Variants in ACTR3C observed in about 807,000 individuals in gnomAD.
ACTR3C encodes actin-related protein 3C.
ACTR3C carries 18 observed loss-of-function variants against 26.3 expected under a neutral mutation model. The observed-to-expected ratio is 0.68, with a 90% CI of 0.47 to 1.01. The LOEUF is 1.01. Ranked by LOEUF, ACTR3C falls within the 50% of genes least tolerant of loss-of-function variation. The pLI, the probability that ACTR3C is intolerant of heterozygous loss-of-function variation, is 0.00. For synonymous variants in ACTR3C, 55 were observed against 94.5 expected (o/e 0.58, Z 2.42); for missense variants, 184 against 250.7 (o/e 0.73, Z 1.80).
At chr7:150,308,090 C>T (rs73472373) in intron 1 of ACTR3C, among the ~76,000 whole-genome samples, 6,208 of 152,146 alleles carry the variant, frequency 0.041, 418 homozygotes, top group African/African-American at 0.14. Flanking sequence ...ATTATTCACC[C>T]GCATTCCAGA....
the ACTR3C span, chr7:150,074,237 TGATTCACTAG>T: frequency 6.6e-6 from 1 of 152,178 alleles, no homozygotes; most frequent in South Asian, 2.1e-4. Context: ...TAAAGCTTGA[TGATTCACTAG>T]GATTCACAGG....
At chr7:150,163,727 G>C in the ACTR3C span, among the ~76,000 whole-genome samples, 2 of 152,050 alleles carry the variant, frequency 1.3e-5, no homozygotes, top group African/African-American at 2.4e-5. Context: ...CGAGTCCAAG[G>C]GCCAGAGAAG....
intron 2 of ACTR3C, among the ~76,000 whole-genome samples, chr7:150,294,900 C>T (rs1289128070): frequency 2.6e-5 from 4 of 151,418 alleles, no homozygotes; most frequent in Admixed American, 6.6e-5. Flanking sequence ...AGCCCAAAAT[C>T]GGAAAGGGGA....
At chr7:150,039,743 G>T in the ACTR3C span, among the ~76,000 whole-genome samples, 1 of 141,716 alleles carries the variant, frequency 7.1e-6, no homozygotes, top group Non-Finnish European at 1.6e-5. Context: ...CGCGGGGGGT[G>T]CCTCCCCCTC....
the ACTR3C span, among the ~76,000 whole-genome samples, chr7:150,030,681 G>A: frequency 1.3e-5 from 2 of 152,072 alleles, no homozygotes; most frequent in Non-Finnish European, 2.9e-5. Context: ...CACTTTCTTC[G>A]CTCCTACTCT....
chr7:149,993,966 A>G, the ACTR3C span, among the ~76,000 whole-genome samples: 2 of 152,224 alleles, frequency 1.3e-5, no homozygotes, highest in African/African-American at 4.8e-5. Flanking sequence ...AGAGAACTAT[A>G]CTGTGCATGA....
At chr7:149,984,423 C>T in the ACTR3C span, among the ~76,000 whole-genome samples, 2 of 151,850 alleles carry the variant, frequency 1.3e-5, no homozygotes, top group Admixed American at 6.6e-5. Context: ...AGGCTGGTCT[C>T]GAACTTCTGG....
the ACTR3C span, among the ~76,000 whole-genome samples, chr7:150,237,966 A>G: frequency 6.7e-6 from 1 of 149,608 alleles, no homozygotes; most frequent in Admixed American, 6.6e-5. Flanking sequence ...CTTGAAGAAC[A>G]AGGACTAATA....
chr7:150,036,926 T>G, the ACTR3C span, among the ~76,000 whole-genome samples: 3 of 96,282 alleles, frequency 3.1e-5, no homozygotes, highest in East Asian at 2.7e-4. Context: ...CCCTCTGCGA[T>G]GGGGGTCCTA....
At chr7:150,313,372 G>A (rs920807571) in intron 1 of ACTR3C, among the ~76,000 whole-genome samples, 5 of 152,284 alleles carry the variant, frequency 3.3e-5, no homozygotes, top group East Asian at 1.9e-4. Context: ...ATTGGCAATC[G>A]GTTGAAAGGG....
the ACTR3C span, among the ~76,000 whole-genome samples, chr7:149,898,389 T>TA: frequency 6.6e-6 from 1 of 152,174 alleles, no homozygotes; most frequent in Admixed American, 6.6e-5. Flanking sequence ...AATCCAGAAT[T>TA]AAACTGTCAA....
chr7:150,183,541 CTG>C, the ACTR3C span, among the ~76,000 whole-genome samples: 1 of 149,440 alleles, frequency 6.7e-6, no homozygotes, highest in South Asian at 2.1e-4. Context: ...TTCAAAATAA[CTG>C]TATGAATTAC....
the ACTR3C span, among the ~76,000 whole-genome samples, chr7:150,047,422 C>T: frequency 6.6e-6 from 1 of 152,138 alleles, no homozygotes; most frequent in South Asian, 2.1e-4. Context: ...AGACACAGAC[C>T]CGCTCCCTCC....
chr7:149,888,522 C>T, the ACTR3C span, among the ~76,000 whole-genome samples: 261 of 152,316 alleles, frequency 1.7e-3, 2 homozygotes, highest in Middle Eastern at 0.044. Context: ...CTCTAATTTG[C>T]CTACTCAAAT....
chr7:150,003,286 G>A, the ACTR3C span, among the ~76,000 whole-genome samples: 17,994 of 137,038 alleles, frequency 0.13, no homozygotes, highest in Admixed American at 0.21. Flanking sequence ...GATATGGTAT[G>A]TGGGATGTGT....
chr7:150,186,312 A>G, the ACTR3C span, among the ~76,000 whole-genome samples: 1 of 152,192 alleles, frequency 6.6e-6, no homozygotes, highest in Non-Finnish European at 1.5e-5. Flanking sequence ...CACGGCAAAC[A>G]CATCCATTTT....
chr7:150,067,671 G>C, the ACTR3C span, among the ~76,000 whole-genome samples: 1 of 151,444 alleles, frequency 6.6e-6, no homozygotes, highest in African/African-American at 2.4e-5. Context: ...GAAGGCCCCA[G>C]AGCTACAGGT....
chr7:150,070,268 C>T, the ACTR3C span, among the ~76,000 whole-genome samples: 5 of 152,148 alleles, frequency 3.3e-5, no homozygotes. Flanking sequence ...GTCTCAGGTC[C>T]CAACTCACAC....
intron 2 of ACTR3C, among the ~76,000 whole-genome samples, chr7:150,294,856 G>A (rs1218582866): frequency 6.6e-6 from 1 of 151,128 alleles, no homozygotes; most frequent in Non-Finnish European, 1.5e-5. Flanking sequence ...AAAACACAGG[G>A]TCCCTCAGAA....
Sources: allele counts gnomAD v4.1 joint callset (sites outside exome capture counted in the v4.1 genomes callset), GRCh38; gene constraint gnomAD v4.1.1; transcripts MANE v1.5; gene names NCBI Gene and HGNC (gene_info 2026-07-23, HGNC 2026-07-21).